ENTHD1: variants seen among roughly 807,000 people sequenced by gnomAD.
ENTHD1 encodes the protein ENTH domain containing 1.
ENTHD1 carries 23 observed loss-of-function variants against 39.1 expected under a neutral mutation model. The observed-to-expected ratio is 0.59, with a 90% confidence interval of 0.42 to 0.83. The LOEUF (loss-of-function observed/expected upper bound fraction) is 0.83, where lower values mean the gene tolerates loss of function less well. Ranked by LOEUF, ENTHD1 falls within the 40% of genes least tolerant of loss-of-function variation. ENTHD1 has a pLI of 0.00. For missense variants in ENTHD1, 624 were observed against 705.4 expected (o/e 0.88, Z 1.31); for synonymous variants, 230 against 258.2 (o/e 0.89, Z 1.05).
At chr22:39,797,225 C>A (rs1404439548) in intron 5 of ENTHD1, among the ~76,000 whole-genome samples, 1 of 152,180 alleles carries the variant, frequency 6.6e-6, no homozygotes, top group Non-Finnish European at 1.5e-5. Context: ...CTTTTTCCAA[C>A]CCCTTAAATC....
chr22:39,815,803 G>A (rs1301295853), intron 5 of ENTHD1, among the ~76,000 whole-genome samples: 3 of 151,976 alleles, frequency 2.0e-5, no homozygotes, highest in Admixed American at 6.6e-5. Flanking sequence ...ACTGTACAGC[G>A]GTGAAAATAA....
intron 4 of ENTHD1, among the ~76,000 whole-genome samples, chr22:39,832,258 C>T (rs1035532323): frequency 3.4e-4 from 52 of 152,180 alleles, no homozygotes; most frequent in African/African-American, 1.2e-3. Context: ...TTACAGTGAG[C>T]TATGATCATT....
At chr22:39,811,956 G>A (rs2065690003) in intron 5 of ENTHD1, among the ~76,000 whole-genome samples, 1 of 151,714 alleles carries the variant, frequency 6.6e-6, no homozygotes, top group Non-Finnish European at 1.5e-5. Context: ...TCCAGCCTGG[G>A]CGACACAGTG....
intron 5 of ENTHD1, among the ~76,000 whole-genome samples, chr22:39,787,352 T>C (rs970451433): frequency 6.6e-6 from 1 of 152,186 alleles, no homozygotes; most frequent in Admixed American, 6.6e-5. Flanking sequence ...TCTCTAAGTA[T>C]TCAAGTGAAA....
intron 3 of ENTHD1, among the ~76,000 whole-genome samples, chr22:39,855,959 C>T (rs868402969): frequency 2.6e-5 from 4 of 152,224 alleles, no homozygotes; most frequent in Admixed American, 1.3e-4. Context: ...TAATTTGCTA[C>T]TTCTCCTGTC....
At chr22:39,863,873 GT>G (rs1355385115) in intron 2 of ENTHD1, among the ~76,000 whole-genome samples, 1 of 152,220 alleles carries the variant, frequency 6.6e-6, no homozygotes. Flanking sequence ...TTAAGGACTG[GT>G]GTGGACAGTG....
chr22:39,878,084 G>A (rs1055980352), intron 2 of ENTHD1, among the ~76,000 whole-genome samples: 1 of 152,188 alleles, frequency 6.6e-6, no homozygotes, highest in Non-Finnish European at 1.5e-5. Context: ...ATAGATGGGT[G>A]ATGTAAGCAT....
At chr22:39,820,941 C>T (rs1352582503) in intron 5 of ENTHD1, 52 bp downstream of exon 5, 13 of 1,606,438 alleles carry the variant, frequency 8.1e-6, no homozygotes, top group African/African-American at 1.3e-5. Flanking sequence ...GGTTGCTGTA[C>T]TTCACAAAAT....
chr22:39,857,689 G>T (rs1344336396), intron 3 of ENTHD1, among the ~76,000 whole-genome samples: 2 of 151,972 alleles, frequency 1.3e-5, no homozygotes, highest in Non-Finnish European at 2.9e-5. Context: ...CCAGATTACT[G>T]CAATAAAGCA....
At chr22:39,820,837 AC>A (rs1275331758) in intron 5 of ENTHD1, among the ~76,000 whole-genome samples, 155 bp downstream of exon 5, 1 of 152,250 alleles carries the variant, frequency 6.6e-6, no homozygotes, top group Non-Finnish European at 1.5e-5. Context: ...AAACACTGAA[AC>A]AAATGGTAAA....
chr22:39,770,283 G>C (rs2065311435), intron 5 of ENTHD1, among the ~76,000 whole-genome samples: 1 of 152,144 alleles, frequency 6.6e-6, no homozygotes, highest in Non-Finnish European at 1.5e-5. Context: ...AGATGGGAAG[G>C]TTAGAGTAGG....
chr22:39,784,969 G>A (rs1297618296), intron 5 of ENTHD1, among the ~76,000 whole-genome samples: 2 of 152,062 alleles, frequency 1.3e-5, no homozygotes, highest in Non-Finnish European at 1.5e-5. Flanking sequence ...TTGAGGTGAT[G>A]GATATCCCAA....
At chr22:39,758,568 G>A (rs1023984041) in intron 6 of ENTHD1, among the ~76,000 whole-genome samples, 4 of 152,066 alleles carry the variant, frequency 2.6e-5, no homozygotes, top group African/African-American at 9.7e-5. Flanking sequence ...GGGATTACAG[G>A]CGCATGCCAC....
At chr22:39,745,266 G>T (rs1210201228) in intron 6 of ENTHD1, among the ~76,000 whole-genome samples, 1 of 152,108 alleles carries the variant, frequency 6.6e-6, no homozygotes, top group Non-Finnish European at 1.5e-5. Context: ...GTGGAATCCA[G>T]TTCTAAACTC....
intron 3 of ENTHD1, among the ~76,000 whole-genome samples, chr22:39,858,475 C>G (rs779428935): frequency 6.6e-6 from 1 of 152,170 alleles, no homozygotes; most frequent in Non-Finnish European, 1.5e-5. Context: ...TGGCTTCCTC[C>G]CATGAATCAC....
intron 6 of ENTHD1, among the ~76,000 whole-genome samples, chr22:39,761,128 A>G (rs1288992691): frequency 6.6e-6 from 1 of 152,118 alleles, no homozygotes; most frequent in Non-Finnish European, 1.5e-5. Flanking sequence ...TTCTTGTAGT[A>G]TGGATTCCCC....
At chr22:39,892,888 A>T (rs2066438787) in intron 1 of ENTHD1, among the ~76,000 whole-genome samples, 1 of 152,230 alleles carries the variant, frequency 6.6e-6, no homozygotes. Flanking sequence ...TACTGTTTTG[A>T]TGAAAAGAAT....
chr22:39,764,085 A>G (rs1601577356), intron 6 of ENTHD1, among the ~76,000 whole-genome samples: 1 of 152,318 alleles, frequency 6.6e-6, no homozygotes, highest in African/African-American at 2.4e-5. Context: ...ACTAATACCA[A>G]TATAAATTTC....
chr22:39,769,586 G>A (rs1022987650), intron 5 of ENTHD1, among the ~76,000 whole-genome samples: 15 of 152,132 alleles, frequency 9.9e-5, no homozygotes, highest in Admixed American at 2.6e-4. Context: ...AGAAAGCTCC[G>A]GGGTGGAGAA....
Sources: allele counts gnomAD v4.1 joint callset (sites outside exome capture counted in the v4.1 genomes callset), GRCh38; gene constraint gnomAD v4.1.1; transcripts MANE v1.5; gene names NCBI Gene and HGNC (gene_info 2026-07-23, HGNC 2026-07-21).